Variants in CDIN1 observed in about 807,000 individuals in gnomAD.
The protein encoded by CDIN1 is CDAN1 interacting nuclease 1.
In CDIN1, 33 loss-of-function variants were observed where a neutral mutation model predicts 45.3. That is an observed-to-expected ratio of 0.73 (90% CI 0.55 to 0.97). The LOEUF is 0.97. Ranked by LOEUF, CDIN1 falls within the 50% of genes least tolerant of loss-of-function variation. The pLI, the probability that CDIN1 is intolerant of heterozygous loss-of-function variation, is 0.00. For missense variants in CDIN1, 303 were observed against 339.4 expected (o/e 0.89, Z 0.84); for synonymous variants, 118 against 124.4 (o/e 0.95, Z 0.34).
intron 4 of CDIN1, 151 bp from the exon 5 acceptor site, chr15:36,657,682 A>G (rs2040832770): frequency 1.7e-6 from 1 of 576,262 alleles, no homozygotes; most frequent in South Asian, 2.9e-5. Context: ...TTTTATTATA[A>G]TGGAAGCCAC....
At chr15:36,588,378 A>T (rs1417962474) in intron 1 of CDIN1, among the ~76,000 whole-genome samples, 1 of 152,170 alleles carries the variant, frequency 6.6e-6, no homozygotes, top group East Asian at 1.9e-4. Context: ...ATGAAAGTTG[A>T]TTCTCAGTTT....
intron 8 of CDIN1, among the ~76,000 whole-genome samples, chr15:36,703,351 CATATATCAGATAGATCTATCATATAT>C (rs2042728616): frequency 3.9e-5 from 2 of 51,830 alleles, no homozygotes; most frequent in Non-Finnish European, 6.9e-5. Context: ...CAGATATATA[CATATATCAGATAGATCTATCATATAT>C]ATATATATCA....
At chr15:36,613,944 TGA>T (rs1262812384) in intron 1 of CDIN1, 1 of 1,551,866 alleles carries the variant, frequency 6.4e-7, no homozygotes, top group African/African-American at 1.4e-5. Flanking sequence ...GAGAGATGGA[TGA>T]GCAGATCAGA....
rs1489078936 is a variant in CDIN1 at position 36,684,822 on chromosome 15, C to T, written c.347-6863C>T. 4.0e-5 allele frequency among the ~76,000 whole-genome samples: 6 copies of T among 150,736 alleles called. No homozygotes were observed. The East Asian group carries it at 5.9e-4, about 15-fold the overall frequency. ...TTTAGTCTTGGGAGAGTGTATGTGT[C>T]GAGGAATTTATCCATTTCTTCTAGA... On this transcript the variant is annotated intron_variant, in intron 5 of 10. Coordinates refer to ENST00000566621, the MANE Select transcript of CDIN1 (RefSeq NM_001321759.2).
intron 5 of CDIN1, among the ~76,000 whole-genome samples, chr15:36,667,943 C>G (rs1381406990): frequency 6.6e-6 from 1 of 152,056 alleles, no homozygotes; most frequent in Non-Finnish European, 1.5e-5. Context: ...ATGTGTTGGC[C>G]TCTTGGATTA....
intron 10 of CDIN1, among the ~76,000 whole-genome samples, chr15:36,800,840 T>C (rs939943928): frequency 7.0e-6 from 1 of 143,094 alleles, no homozygotes; most frequent in Non-Finnish European, 1.5e-5. Flanking sequence ...GAAATATATA[T>C]ATGATTATGA....
Position 36,590,573 on chromosome 15 carries a change from C to G in CDIN1, c.101+10612C>G, listed in dbSNP as rs368279955. Among the ~76,000 whole-genome samples the G allele has an allele frequency of 1.5e-3, 230 of 152,222 alleles. 5 individuals are homozygous for G. In the South Asian group the frequency reaches 0.028, roughly 18 times the overall value. ...TTTCTGAGGTTGTCCTGGGAGTAGT[C>G]GTCATATCCAAGACTAAGATTTAAA... is the stretch of plus-strand genomic sequence containing the variant. On this transcript the variant is annotated intron_variant, in intron 1 of 10. Coordinates refer to ENST00000566621, the MANE Select transcript of CDIN1 (RefSeq NM_001321759.2).
intron 1 of CDIN1, 74 bp downstream of exon 1, chr15:36,580,035 A>G: frequency 7.6e-7 from 1 of 1,320,244 alleles, no homozygotes. Context: ...GGCAGCGCTT[A>G]GGAACCACGT....
chr15:36,748,066 CTT>C (rs2044509340), intron 10 of CDIN1, among the ~76,000 whole-genome samples: 2 of 152,272 alleles, frequency 1.3e-5, no homozygotes, highest in Admixed American at 1.3e-4. Flanking sequence ...TGGGAAATAA[CTT>C]TGGTTCTCAT....
At chr15:36,748,011 G>A (rs1051504313) in intron 10 of CDIN1, among the ~76,000 whole-genome samples, 1 of 152,180 alleles carries the variant, frequency 6.6e-6, no homozygotes, top group African/African-American at 2.4e-5. Flanking sequence ...AACCCAAGAA[G>A]CAATATAGCT....
intron 5 of CDIN1, among the ~76,000 whole-genome samples, chr15:36,690,090 G>A (rs913388764): frequency 6.6e-6 from 1 of 152,104 alleles, no homozygotes; most frequent in African/African-American, 2.4e-5. Context: ...CACTTGCAGT[G>A]CAAACACGTG....
intron 10 of CDIN1, among the ~76,000 whole-genome samples, chr15:36,723,942 AT>A (rs982962636): frequency 6.6e-6 from 1 of 152,242 alleles, no homozygotes; most frequent in Admixed American, 6.5e-5. Context: ...ATAGATCATA[AT>A]AATAGCTAAC....
At chr15:36,640,766 C>A in intron 1 of CDIN1, 1 of 475,472 alleles carries the variant, frequency 2.1e-6, no homozygotes, top group Non-Finnish European at 2.7e-6. Flanking sequence ...ATCTGTGCTA[C>A]ACTCTCCCAA....
intron 8 of CDIN1, among the ~76,000 whole-genome samples, chr15:36,697,667 A>T (rs2042482948): frequency 6.6e-6 from 1 of 152,184 alleles, no homozygotes; most frequent in Non-Finnish European, 1.5e-5. Context: ...TATTAACCAT[A>T]ATCTAGCCCT....
At chr15:36,747,120 A>C (rs2140958737) in intron 10 of CDIN1, 2 of 395,980 alleles carry the variant, frequency 5.1e-6, no homozygotes, top group South Asian at 1.3e-4. Flanking sequence ...CTCAGCAGTT[A>C]GTGCATTAAA....
chr15:36,600,390 C>T lies in CDIN1; in HGVS notation c.101+20429C>T, dbSNP rs186408590. ...GGTGCAATATGGTGCCTGTAGTTCA[C>T]GAGGGAATATGAATGTTGATTAAGC... On this transcript the variant is annotated intron_variant, in intron 1 of 10. Transcript: ENST00000566621. Among the ~76,000 whole-genome samples, 97 of 152,220 alleles carry T rather than the reference C, an allele frequency of 6.4e-4. 1 individual carries two copies. The highest frequency in any genetic ancestry group is 2.3e-3 in the African/African-American group (94 of 41,542).
intron 10 of CDIN1, among the ~76,000 whole-genome samples, chr15:36,729,636 T>G (rs1252211786): frequency 6.6e-6 from 1 of 152,192 alleles, no homozygotes; most frequent in Admixed American, 6.5e-5. Context: ...ATGAGTGACA[T>G]TATTAGTGAA....
intron 5 of CDIN1, among the ~76,000 whole-genome samples, chr15:36,670,335 C>T (rs1403254461): frequency 6.6e-6 from 1 of 152,008 alleles, no homozygotes; most frequent in Non-Finnish European, 1.5e-5. Flanking sequence ...AGTAGCGCTC[C>T]TCTTCAAGAA....
At chr15:36,582,732 A>G (rs1402100829) in intron 1 of CDIN1, among the ~76,000 whole-genome samples, 1 of 152,220 alleles carries the variant, frequency 6.6e-6, no homozygotes, top group Non-Finnish European at 1.5e-5. Context: ...GTTTTCAAGG[A>G]TTTTGATGTA....
Sources: gnomAD v4.1 joint callset for allele counts (sites outside exome capture counted in the v4.1 genomes callset) on GRCh38, gnomAD v4.1.1 for gene constraint, MANE v1.5 for transcripts, NCBI Gene and HGNC (gene_info 2026-07-23, HGNC 2026-07-21) for gene names.